SDK2: variants seen among roughly 807,000 people sequenced by gnomAD.
SDK2 encodes sidekick cell adhesion molecule 2, also known as protein sidekick-2.
SDK2 carries 105 observed loss-of-function variants against 253.9 expected under a neutral mutation model. That is an observed-to-expected ratio of 0.41 (90% CI 0.35 to 0.49). The LOEUF (loss-of-function observed/expected upper bound fraction) is 0.49, where lower values mean the gene tolerates loss of function less well. SDK2 is among the 20% of genes least tolerant of loss of function. The pLI is 0.06. For missense variants in SDK2, 2,608 were observed against 3,003.0 expected (o/e 0.87, Z 3.07); for synonymous variants, 1,249 against 1,234.9 (o/e 1.01, Z -0.24).
chr17:73,463,553 TTC>T (rs1471351879), intron 3 of SDK2, among the ~76,000 whole-genome samples: 1 of 152,172 alleles, frequency 6.6e-6, no homozygotes, highest in Admixed American at 6.5e-5. Context: ...ACCAGGTGAT[TTC>T]TCTCCTGAAT....
intron 1 of SDK2, among the ~76,000 whole-genome samples, chr17:73,606,140 T>A (rs2045904135): frequency 6.6e-6 from 1 of 152,236 alleles, no homozygotes. Context: ...GGGCACACCA[T>A]GCTTGTTGCT....
chr17:73,539,097 C>T (rs186728259), intron 1 of SDK2, among the ~76,000 whole-genome samples: 287 of 152,280 alleles, frequency 1.9e-3, no homozygotes, highest in African/African-American at 6.7e-3. Flanking sequence ...CCTTATCATG[C>T]TGCCCTGCCT....
intron 1 of SDK2, among the ~76,000 whole-genome samples, chr17:73,588,197 A>ACCCCC (rs57740393): frequency 2.3e-5 from 3 of 130,860 alleles, no homozygotes; most frequent in African/African-American, 5.7e-5. Flanking sequence ...ACATGGAGAG[A>ACCCCC]CCCCCCCCCC....
chr17:73,638,697 A>C (rs2046361621), intron 1 of SDK2, among the ~76,000 whole-genome samples: 1 of 152,034 alleles, frequency 6.6e-6, no homozygotes, highest in Non-Finnish European at 1.5e-5. Context: ...ACCCTCCTGG[A>C]CTGTAATGGA....
chr17:73,419,733 A>C (rs1234913889), intron 15 of SDK2, among the ~76,000 whole-genome samples: 2 of 147,962 alleles, frequency 1.4e-5, no homozygotes, highest in Admixed American at 1.4e-4. Context: ...AAAAACCCAA[A>C]AAAACTCCCT....
At position 73,379,522 on chromosome 17, in the gene SDK2, A is replaced by G. The variant is rs746844523; in HGVS notation, c.4790T>C (p.Ile1597Thr). ...CACAGCGTTGTACACGCTCATCCGTATCTCGTACCGCCTGTGCTTGTTCAG... is the reference window on the plus strand; with the variant it reads ...CACAGCGTTGTACACGCTCATCCGTGTCTCGTACCGCCTGTGCTTGTTCAG... ...DNLNKHRRYE[I>T]RMSVYNAVGE... The change falls in exon 35 of 45, where the codon ATA (isoleucine) becomes ACA (threonine). Residue 1597 changes from isoleucine (I) to threonine (T), a missense_variant. Around this residue, in one of 2 missense-constraint regions of SDK2, gnomAD observed 1,103 missense variants for 1,143.9 expected, o/e 0.96. Transcript: ENST00000392650. This position sits in a 1 kb window ranked among gnomAD's most constrained non-coding sequence, Gnocchi z 4.5. The G allele has an allele frequency of 6.2e-7, 1 of 1,612,224 alleles. No individual in the cohort carries two copies. Among genetic ancestry groups the G allele is most frequent in the Non-Finnish European group, 8.5e-7 (1 of 1,179,184 alleles).
At chr17:73,393,800 C>T in intron 26 of SDK2, 51 bp from the exon 27 acceptor site, 1 of 1,394,818 alleles carries the variant, frequency 7.2e-7, no homozygotes, top group Non-Finnish European at 9.6e-7. Flanking sequence ...TCTCACCCAT[C>T]TACACTTTTC....
intron 2 of SDK2, among the ~76,000 whole-genome samples, chr17:73,494,460 G>A (rs1461247030): frequency 6.6e-6 from 1 of 152,144 alleles, no homozygotes; most frequent in Non-Finnish European, 1.5e-5. Flanking sequence ...CCTCGGGAGT[G>A]GGGGACCCAT....
At chr17:73,593,031 T>C (rs1483395453) in intron 1 of SDK2, among the ~76,000 whole-genome samples, 1 of 138,956 alleles carries the variant, frequency 7.2e-6, no homozygotes, top group Non-Finnish European at 1.6e-5. Flanking sequence ...AGCCAGCTCA[T>C]TCCCCATTCG....
At chr17:73,498,056 T>C (rs1011827846) in intron 2 of SDK2, among the ~76,000 whole-genome samples, 1 of 152,134 alleles carries the variant, frequency 6.6e-6, no homozygotes, top group Non-Finnish European at 1.5e-5. Context: ...AAAGCACGCA[T>C]CAAAACTGGA....
chr17:73,594,490 GGAGA>G (rs147763934), intron 1 of SDK2, among the ~76,000 whole-genome samples: 6 of 151,406 alleles, frequency 4.0e-5, no homozygotes, highest in African/African-American at 1.5e-4. Flanking sequence ...AGAGGGAGGG[GGAGA>G]GAGAGAGAGA....
At chr17:73,515,506 C>T (rs2064018621) in intron 1 of SDK2, among the ~76,000 whole-genome samples, 2 of 152,192 alleles carry the variant, frequency 1.3e-5, no homozygotes, top group Admixed American at 1.3e-4. Flanking sequence ...GGCAGAATAT[C>T]CCAGAAGAGA....
intron 2 of SDK2, among the ~76,000 whole-genome samples, chr17:73,506,627 A>G: frequency 6.6e-6 from 1 of 152,238 alleles, no homozygotes; most frequent in Non-Finnish European, 1.5e-5. Flanking sequence ...TTTCCCCAAC[A>G]AAACCGATTA....
intron 1 of SDK2, among the ~76,000 whole-genome samples, chr17:73,581,078 A>G (rs1415398765): frequency 2.0e-5 from 3 of 151,886 alleles, no homozygotes; most frequent in Admixed American, 6.5e-5. Context: ...ATAGGGTCTC[A>G]TCATGTTGCT....
intron 1 of SDK2, among the ~76,000 whole-genome samples, chr17:73,556,125 A>C (rs1371996973): frequency 1.3e-5 from 2 of 152,208 alleles, no homozygotes; most frequent in African/African-American, 2.4e-5. Context: ...GAAACGACAC[A>C]TGCAGGGACC....
At chr17:73,632,836 C>T (rs1465792302) in intron 1 of SDK2, among the ~76,000 whole-genome samples, 2 of 152,068 alleles carry the variant, frequency 1.3e-5, no homozygotes, top group Non-Finnish European at 2.9e-5. Flanking sequence ...TCTTTCAAGA[C>T]CAGATTTTGA....
In SDK2 at chr17:73,495,036, G is replaced by A. The variant is rs531389863; in HGVS notation, c.224+12402C>T. Among the ~76,000 whole-genome samples, 228 of 152,350 alleles carry A rather than the reference G, an allele frequency of 1.5e-3. 2 individuals carry two copies. Among genetic ancestry groups the A allele is most frequent in the African/African-American group, 5.0e-3 (208 of 41,580 alleles). On this transcript the variant is annotated intron_variant, in intron 2 of 44. Transcript: ENST00000392650. ...GCAGTGGAGGTGTTGTACCTGCCCC[G>A]GGCTGAGGATCCAACAGAGCATCAA...
intron 11 of SDK2, among the ~76,000 whole-genome samples, chr17:73,430,850 T>A (rs966081308): frequency 2.0e-5 from 3 of 152,186 alleles, no homozygotes; most frequent in African/African-American, 7.2e-5. Flanking sequence ...TTTCAGCATA[T>A]CAGTGGTCCA....
intron 40 of SDK2, among the ~76,000 whole-genome samples, chr17:73,353,110 T>C (rs1268024248): frequency 6.6e-6 from 1 of 152,124 alleles, no homozygotes; most frequent in Non-Finnish European, 1.5e-5. Context: ...AGACACCTTT[T>C]GGAGCATCTC....
Sources: gnomAD v4.1 joint callset for allele counts (sites outside exome capture counted in the v4.1 genomes callset) on GRCh38, gnomAD v4.1.1 for gene constraint, gnomAD v4.1.1 regional missense constraint, Gnocchi (gnomAD v3.1) non-coding constraint, MANE v1.5 for transcripts, NCBI Gene and HGNC (gene_info 2026-07-23, HGNC 2026-07-21) for gene names.